STK39: variants seen among roughly 807,000 people sequenced by gnomAD.
STK39 encodes serine/threonine kinase 39.
A neutral mutation model predicts 77.8 loss-of-function variants in STK39; 20 were observed. The observed-to-expected ratio is 0.26, with a 90% CI of 0.18 to 0.37. The LOEUF is 0.37. Among genes scored for constraint, STK39 ranks in the 10% least tolerant of loss-of-function variants. The probability of loss-of-function intolerance (pLI) is 1.00; values close to 1 mark genes in which losing one functional copy is unlikely to be tolerated. For synonymous variants in STK39, 246 were observed against 234.1 expected (o/e 1.05, Z -0.47); for missense variants, 479 against 656.5 (o/e 0.73, Z 2.95).
chr2:168,230,755 A>T (rs1690433030), intron 1 of STK39, among the ~76,000 whole-genome samples: 1 of 151,390 alleles, frequency 6.6e-6, no homozygotes, highest in South Asian at 2.1e-4. Flanking sequence ...CTGCTGCTGA[A>T]TCATCCTTGG....
At chr2:167,982,271 G>T (rs536827658) in intron 16 of STK39, among the ~76,000 whole-genome samples, 1 of 152,184 alleles carries the variant, frequency 6.6e-6, no homozygotes, top group Non-Finnish European at 1.5e-5. Context: ...CTTTTAAAAA[G>T]TGCATTCTAA....
At chr2:168,097,747 A>T (rs1283448207) in intron 10 of STK39, among the ~76,000 whole-genome samples, 2 of 152,214 alleles carry the variant, frequency 1.3e-5, no homozygotes, top group Non-Finnish European at 1.5e-5. Flanking sequence ...AACAAAAAAA[A>T]AAAAAAGAAG....
At chr2:168,129,246 T>C (rs1301755177) in intron 10 of STK39, among the ~76,000 whole-genome samples, 1 of 152,216 alleles carries the variant, frequency 6.6e-6, no homozygotes, top group African/African-American at 2.4e-5. Flanking sequence ...TCAAGGATAT[T>C]TTACCTCTCC....
chr2:168,063,626 A>T, intron 13 of STK39, 56 bp from the exon 14 acceptor site: 1 of 1,475,294 alleles, frequency 6.8e-7, no homozygotes, highest in Non-Finnish European at 9.3e-7. Flanking sequence ...AGGAATGAAT[A>T]AAATCACAAT....
chr2:167,992,204 T>C (rs968845618), intron 16 of STK39, among the ~76,000 whole-genome samples: 1 of 152,174 alleles, frequency 6.6e-6, no homozygotes, highest in African/African-American at 2.4e-5. Flanking sequence ...AAAATTGTTT[T>C]CAGATCTTTG....
intron 2 of STK39, among the ~76,000 whole-genome samples, chr2:168,177,486 A>C (rs79958371): frequency 0.016 from 2,385 of 152,326 alleles, 59 homozygotes; most frequent in African/African-American, 0.054. Flanking sequence ...AAGTCAAATA[A>C]GGTGATGAAC....
chr2:167,958,889 T>C (rs992442301), intron 17 of STK39, among the ~76,000 whole-genome samples: 3 of 152,218 alleles, frequency 2.0e-5, no homozygotes, highest in Non-Finnish European at 4.4e-5. Context: ...CTTATGCAGA[T>C]CTTCTAAATG....
intron 1 of STK39, among the ~76,000 whole-genome samples, chr2:168,236,432 C>A (rs1690611687): frequency 6.6e-6 from 1 of 152,188 alleles, no homozygotes; most frequent in African/African-American, 2.4e-5. Context: ...GTTTCTTTTG[C>A]TGTGCAGAAG....
intron 10 of STK39, among the ~76,000 whole-genome samples, chr2:168,123,427 T>C (rs1043048206): frequency 2.0e-5 from 3 of 152,212 alleles, no homozygotes; most frequent in Non-Finnish European, 2.9e-5. Context: ...TTAGGAAATA[T>C]ACAGTGAAGT....
chr2:168,093,308 G>C (rs183162971), intron 10 of STK39, among the ~76,000 whole-genome samples: 54 of 152,272 alleles, frequency 3.5e-4, no homozygotes, highest in South Asian at 6.2e-4. Flanking sequence ...AAGAAAAAGA[G>C]GTTTAATGGA....
chr2:168,079,148 G>T (rs1686160617), intron 10 of STK39, among the ~76,000 whole-genome samples: 1 of 152,128 alleles, frequency 6.6e-6, no homozygotes, highest in South Asian at 2.1e-4. Context: ...TAAGACGTTA[G>T]CAATAAATAT....
intron 1 of STK39, among the ~76,000 whole-genome samples, chr2:168,196,213 A>G (rs1393795701): frequency 6.6e-6 from 1 of 152,228 alleles, no homozygotes; most frequent in Admixed American, 6.5e-5. Context: ...CTTATACAAT[A>G]ATGAAGAATA....
At chr2:168,192,298 G>T (rs1370238222) in intron 1 of STK39, among the ~76,000 whole-genome samples, 2 of 152,106 alleles carry the variant, frequency 1.3e-5, no homozygotes, top group Non-Finnish European at 2.9e-5. Context: ...TTCTAGGAAG[G>T]TCTATCTGGA....
At chr2:168,130,364 C>T (rs1455861311) in intron 8 of STK39, among the ~76,000 whole-genome samples, 1 of 152,218 alleles carries the variant, frequency 6.6e-6, no homozygotes, top group African/African-American at 2.4e-5. Flanking sequence ...CAACTTGCTT[C>T]TCTAGCCCAT....
chr2:168,123,984 T>C (rs2105495388), intron 10 of STK39, among the ~76,000 whole-genome samples: 1 of 152,148 alleles, frequency 6.6e-6, no homozygotes, highest in Admixed American at 6.5e-5. Context: ...AGCATATCAG[T>C]GGATCCAGTG....
intron 1 of STK39, chr2:168,232,145 C>A: frequency 8.3e-6 from 2 of 242,124 alleles, no homozygotes; most frequent in South Asian, 7.8e-5. Context: ...ACACAGGAGT[C>A]ACAAATCACA....
chr2:168,127,026 A>T (rs1160277958), intron 10 of STK39, among the ~76,000 whole-genome samples: 3 of 152,234 alleles, frequency 2.0e-5, no homozygotes, highest in Admixed American at 6.5e-5. Flanking sequence ...GAGCAAGTAA[A>T]TGGCAGAAGA....
At chr2:168,024,028 C>T (rs1355792244) in intron 14 of STK39, among the ~76,000 whole-genome samples, 5 of 152,182 alleles carry the variant, frequency 3.3e-5, no homozygotes, top group African/African-American at 1.2e-4. Flanking sequence ...TGGACTATCT[C>T]CCCGCTATCA....
intron 10 of STK39, among the ~76,000 whole-genome samples, chr2:168,112,380 G>A (rs1326594099): frequency 1.3e-5 from 2 of 152,014 alleles, no homozygotes; most frequent in Admixed American, 1.3e-4. Context: ...CTGGTTGGGG[G>A]TGATTGGATC....
Sources: gnomAD v4.1 joint callset for allele counts (sites outside exome capture counted in the v4.1 genomes callset) on GRCh38, gnomAD v4.1.1 for gene constraint, MANE v1.5 for transcripts, NCBI Gene and HGNC (gene_info 2026-07-23, HGNC 2026-07-21) for gene names.